The following DSCAM variants were observed in gnomAD, a reference collection of about 807,000 sequenced individuals.
DSCAM encodes the protein cell adhesion molecule DSCAM.
A neutral mutation model predicts 217.7 loss-of-function variants in DSCAM; 47 were observed. That is an observed-to-expected ratio of 0.22 (90% CI 0.17 to 0.28). The LOEUF is 0.28. DSCAM is among the 10% of genes least tolerant of loss of function. The probability of loss-of-function intolerance (pLI) is 1.00; values close to 1 mark genes in which losing one functional copy is unlikely to be tolerated. For synonymous variants in DSCAM, 1,056 were observed against 1,015.3 expected (o/e 1.04, Z -0.76); for missense variants, 2,080 against 2,618.3 (o/e 0.79, Z 4.49).
chr21:40,398,503 G>A (rs2075202359), intron 3 of DSCAM, among the ~76,000 whole-genome samples: 1 of 151,698 alleles, frequency 6.6e-6, no homozygotes, highest in Non-Finnish European at 1.5e-5. Flanking sequence ...GATTGGAGCT[G>A]GACTTAAAAT....
chr21:40,568,474 CACAGAA>C (rs1445302148), intron 3 of DSCAM, among the ~76,000 whole-genome samples: 1 of 152,072 alleles, frequency 6.6e-6, no homozygotes, highest in Non-Finnish European at 1.5e-5. Context: ...CCACTGCAGG[CACAGAA>C]ACACTCCAGG....
chr21:40,145,300 C>G (rs1601381189), intron 16 of DSCAM, among the ~76,000 whole-genome samples: 1 of 152,108 alleles, frequency 6.6e-6, no homozygotes, highest in Admixed American at 6.5e-5. Context: ...AGCTTACATT[C>G]TAAGGAAATA....
intron 3 of DSCAM, among the ~76,000 whole-genome samples, chr21:40,600,339 T>C (rs1237828285): frequency 2.0e-5 from 3 of 152,286 alleles, no homozygotes; most frequent in East Asian, 1.9e-4. Flanking sequence ...TTCTGGTTCA[T>C]AGATGGTGAT....
intron 3 of DSCAM, among the ~76,000 whole-genome samples, chr21:40,641,242 T>C (rs549128692): frequency 8.5e-5 from 13 of 152,094 alleles, no homozygotes; most frequent in African/African-American, 3.1e-4. Context: ...CTCTAGAATG[T>C]TGGTGGCCCC....
intron 2 of DSCAM, among the ~76,000 whole-genome samples, chr21:40,697,115 A>G (rs188944640): frequency 1.4e-4 from 21 of 152,164 alleles, no homozygotes; most frequent in African/African-American, 4.3e-4. Flanking sequence ...CTCCACCTCC[A>G]TAAGATCCAC....
At chr21:40,816,272 G>A (rs961996927) in intron 1 of DSCAM, among the ~76,000 whole-genome samples, 2 of 152,190 alleles carry the variant, frequency 1.3e-5, no homozygotes, top group Admixed American at 1.3e-4. Context: ...ACCATGTGAT[G>A]ATGAATTTGA....
intron 6 of DSCAM, among the ~76,000 whole-genome samples, chr21:40,340,691 AT>A (rs1555906940): frequency 2.0e-5 from 3 of 152,216 alleles, no homozygotes; most frequent in African/African-American, 2.4e-5. Flanking sequence ...GAATGAGTAG[AT>A]TTTTTTTAGT....
chr21:40,625,143 A>C (rs1279668262), intron 3 of DSCAM, among the ~76,000 whole-genome samples: 1 of 152,208 alleles, frequency 6.6e-6, no homozygotes, highest in Non-Finnish European at 1.5e-5. Flanking sequence ...TTTCTGAAAC[A>C]GGAATGAGTA....
rs76550728 is a variant in DSCAM, at chr21:40,415,598, G to A, written c.509-46353C>T. ...AGAATCCTGAAAGGACAAAAGAACT[G>A]GCCTAGGCCTGGACAGGGAAGTTGC... On this transcript the variant is annotated intron_variant, in intron 3 of 32. Coordinates refer to ENST00000400454, the MANE Select transcript of DSCAM (RefSeq NM_001389.5). Among the ~76,000 whole-genome samples the A allele has an allele frequency of 3.2e-3, 491 of 152,308 alleles. 4 individuals carry two copies. The highest frequency in any genetic ancestry group is 0.011 in the African/African-American group (450 of 41,570).
At chr21:40,523,066 T>C (rs1056163354) in intron 3 of DSCAM, among the ~76,000 whole-genome samples, 2 of 152,204 alleles carry the variant, frequency 1.3e-5, no homozygotes, top group African/African-American at 4.8e-5. Flanking sequence ...TACTCCTCTA[T>C]TGGAGTTTCC....
intron 1 of DSCAM, among the ~76,000 whole-genome samples, chr21:40,716,507 G>A (rs999987330): frequency 2.6e-5 from 4 of 152,136 alleles, no homozygotes; most frequent in African/African-American, 9.7e-5. Flanking sequence ...CAACACTAAG[G>A]GAGCTAATGG....
chr21:40,249,501 T>C (rs191519195), intron 11 of DSCAM, among the ~76,000 whole-genome samples: 1 of 152,320 alleles, frequency 6.6e-6, no homozygotes, highest in East Asian at 1.9e-4. Flanking sequence ...AAACTTTTTT[T>C]CTTCCCAGTC....
Position 40,138,677 on chromosome 21 carries a change from TATGTGTGGTGTG to T in DSCAM, c.3406+3869_3406+3880del, listed in dbSNP as rs1360830710. On this transcript the variant is annotated intron_variant, in intron 18 of 32. Coordinates refer to ENST00000400454, the MANE Select transcript of DSCAM (RefSeq NM_001389.5). ...GGTGTGTGTGGTGTGATATGTGGTGTATGTGTGGTGTGGTGTGTGGTGTATGTGTGGTGTGTG... is the reference window on the plus strand; with the variant it reads ...GGTGTGTGTGGTGTGATATGTGGTGTGTGTGTGGTGTATGTGTGGTGTGTG... 3.7e-3 allele frequency among the ~76,000 whole-genome samples: 527 copies of T among 141,364 alleles called. 7 individuals carry two copies. The highest frequency in any genetic ancestry group is 0.013 in the African/African-American group (505 of 37,490). The allele number at this position is 141,364 out of a possible 152,430, so 92.7% of individuals were successfully genotyped here.
intron 1 of DSCAM, among the ~76,000 whole-genome samples, chr21:40,712,325 C>T (rs997261852): frequency 3.3e-5 from 5 of 151,720 alleles, no homozygotes; most frequent in African/African-American, 1.2e-4. Context: ...TAGCCGGGCA[C>T]GGTGGCGGGC....
At chr21:40,224,899 G>T (rs1274686896) in intron 11 of DSCAM, among the ~76,000 whole-genome samples, 2 of 152,184 alleles carry the variant, frequency 1.3e-5, no homozygotes, top group African/African-American at 2.4e-5. Flanking sequence ...GTCCTAAATT[G>T]AATTGTCGGT....
chr21:40,021,220 A>AT (rs908499101), intron 32 of DSCAM, among the ~76,000 whole-genome samples: 1 of 151,798 alleles, frequency 6.6e-6, no homozygotes, highest in South Asian at 2.1e-4. Context: ...AAAAAAAAAA[A>AT]AAAAAAGAAA....
chr21:40,269,718 C>T (rs900569366), intron 11 of DSCAM, among the ~76,000 whole-genome samples: 2 of 152,180 alleles, frequency 1.3e-5, no homozygotes, highest in Admixed American at 6.5e-5. Context: ...AGCATAACTC[C>T]AATCTCTGTC....
At chr21:40,759,913 C>CT (rs1315345377) in intron 1 of DSCAM, among the ~76,000 whole-genome samples, 2 of 152,112 alleles carry the variant, frequency 1.3e-5, no homozygotes, top group Non-Finnish European at 2.9e-5. Flanking sequence ...GGGCATTCAT[C>CT]TTTTTGCCTC....
intron 32 of DSCAM, among the ~76,000 whole-genome samples, chr21:40,026,139 C>A (rs2088377533): frequency 7.1e-6 from 1 of 141,810 alleles, no homozygotes; most frequent in African/African-American, 2.5e-5. Context: ...ACCCAGTAGT[C>A]ATTCAGGAGC....
Sources: allele counts gnomAD v4.1 joint callset (sites outside exome capture counted in the v4.1 genomes callset), GRCh38; gene constraint gnomAD v4.1.1; transcripts MANE v1.5; gene names NCBI Gene and HGNC (gene_info 2026-07-23, HGNC 2026-07-21).